UMAD1: variants seen among roughly 807,000 people sequenced by gnomAD.
The protein encoded by UMAD1 is UBAP1-MVB12-associated (UMA) domain containing 1.
A neutral mutation model predicts 6.1 loss-of-function variants in UMAD1; 8 were observed. That is an observed-to-expected ratio of 1.30 (90% CI 0.76 to 2.35). The LOEUF is 2.35. Among genes scored for constraint, UMAD1 ranks in the 30% most tolerant of loss-of-function variants. The pLI is 0.00. For synonymous variants in UMAD1, 56 were observed against 31.4 expected (o/e 1.78, Z -2.61); for missense variants, 130 against 78.4 (o/e 1.66, Z -2.49).
chr7:7,762,942 C>T (rs886606027), intron 2 of UMAD1, among the ~76,000 whole-genome samples: 21 of 151,770 alleles, frequency 1.4e-4, no homozygotes, highest in African/African-American at 3.9e-4. Flanking sequence ...GCTTTTAAGC[C>T]GGCACTCTTA....
At chr7:7,802,342 C>T (rs183755277) in intron 3 of UMAD1, among the ~76,000 whole-genome samples, 98 of 150,938 alleles carry the variant, frequency 6.5e-4, no homozygotes, top group African/African-American at 2.4e-3. Context: ...CGCGCCTCTG[C>T]GCTCCTGCCT....
intron 3 of UMAD1, among the ~76,000 whole-genome samples, chr7:7,802,692 G>A (rs1459474321): frequency 1.3e-5 from 2 of 152,120 alleles, no homozygotes; most frequent in Non-Finnish European, 2.9e-5. Flanking sequence ...CTGTATTCTA[G>A]TTGTAGCATA....
intron 2 of UMAD1, among the ~76,000 whole-genome samples, chr7:7,695,723 A>T (rs897658909): frequency 6.6e-6 from 1 of 152,214 alleles, no homozygotes; most frequent in East Asian, 1.9e-4. Context: ...CTTGTGTCCT[A>T]TGTAGACCTA....
At chr7:7,775,817 G>T (rs768843606) in intron 2 of UMAD1, among the ~76,000 whole-genome samples, 1 of 152,106 alleles carries the variant, frequency 6.6e-6, no homozygotes, top group Non-Finnish European at 1.5e-5. Context: ...CAGGAGAAAT[G>T]AAAAAATATA....
intron 2 of UMAD1, among the ~76,000 whole-genome samples, chr7:7,715,959 CAT>C (rs1780891858): frequency 1.3e-5 from 2 of 152,170 alleles, no homozygotes; most frequent in South Asian, 2.1e-4. Context: ...TAGTATAAAA[CAT>C]AGTTTGTTGC....
At chr7:7,642,878 T>C (rs1341275426) in intron 1 of UMAD1, among the ~76,000 whole-genome samples, 1 of 152,236 alleles carries the variant, frequency 6.6e-6, no homozygotes, top group African/African-American at 2.4e-5. Flanking sequence ...TTATCACACA[T>C]GCAGGCGTTG....
chr7:7,666,014 C>T (rs915060640), intron 1 of UMAD1, among the ~76,000 whole-genome samples: 3 of 151,788 alleles, frequency 2.0e-5, no homozygotes, highest in Non-Finnish European at 4.4e-5. Flanking sequence ...TGTGGACCTA[C>T]GTTTTCATTT....
intron 2 of UMAD1, among the ~76,000 whole-genome samples, chr7:7,795,557 C>T (rs1782659423): frequency 6.6e-6 from 1 of 152,174 alleles, no homozygotes; most frequent in Admixed American, 6.5e-5. Context: ...ATGGCTGCCC[C>T]ACAGGCAGAG....
intron 3 of UMAD1, among the ~76,000 whole-genome samples, chr7:7,836,592 C>A (rs146700281): frequency 6.6e-6 from 1 of 151,504 alleles, no homozygotes; most frequent in Non-Finnish European, 1.5e-5. Flanking sequence ...TCATATAACA[C>A]AAACTAAATA....
intron 3 of UMAD1, among the ~76,000 whole-genome samples, chr7:7,838,955 A>T (rs1167128351): frequency 6.6e-6 from 1 of 152,216 alleles, no homozygotes; most frequent in Non-Finnish European, 1.5e-5. Flanking sequence ...AAGAAGAGCA[A>T]AACAAGAATA....
chr7:7,719,855 CAA>C (rs1261666764), intron 2 of UMAD1, among the ~76,000 whole-genome samples: 2 of 152,158 alleles, frequency 1.3e-5, no homozygotes, highest in Non-Finnish European at 2.9e-5. Context: ...TCTGTACAAA[CAA>C]GAGATGGTAA....
intron 2 of UMAD1, among the ~76,000 whole-genome samples, chr7:7,790,648 C>T (rs1313571521): frequency 6.6e-6 from 1 of 152,198 alleles, no homozygotes; most frequent in East Asian, 1.9e-4. Context: ...GACCAAATCT[C>T]TTTCCTGATA....
At chr7:7,829,704 T>G (rs78956900) in intron 3 of UMAD1, among the ~76,000 whole-genome samples, 1 of 152,218 alleles carries the variant, frequency 6.6e-6, no homozygotes, top group Non-Finnish European at 1.5e-5. Context: ...TTTTGTATAC[T>G]TTCCTTGATG....
intron 2 of UMAD1, among the ~76,000 whole-genome samples, chr7:7,730,580 C>T (rs1242151211): frequency 2.6e-5 from 4 of 152,190 alleles, no homozygotes; most frequent in African/African-American, 9.7e-5. Context: ...CACGTATAAG[C>T]CCTTCAAAAG....
chr7:7,660,630 C>G (rs962457109), intron 1 of UMAD1, among the ~76,000 whole-genome samples: 1 of 152,064 alleles, frequency 6.6e-6, no homozygotes, highest in Non-Finnish European at 1.5e-5. Context: ...ACTATTGGCC[C>G]CACTCTCTTC....
intron 1 of UMAD1, among the ~76,000 whole-genome samples, chr7:7,657,944 G>A (rs1034147434): frequency 6.6e-6 from 1 of 152,178 alleles, no homozygotes; most frequent in Non-Finnish European, 1.5e-5. Flanking sequence ...CTATCCATGA[G>A]CATGGAATGT....
chr7:7,776,567 C>G (rs867573579), intron 2 of UMAD1, among the ~76,000 whole-genome samples: 1 of 152,116 alleles, frequency 6.6e-6, no homozygotes, highest in Non-Finnish European at 1.5e-5. Flanking sequence ...CAAAAAGTTT[C>G]TTTTGAAAAG....
chr7:7,791,180 G>A (rs1046432291), intron 2 of UMAD1, among the ~76,000 whole-genome samples: 4 of 152,232 alleles, frequency 2.6e-5, no homozygotes, highest in Non-Finnish European at 4.4e-5. Context: ...GAGTCACTGT[G>A]CCCAGCTGGA....
intron 3 of UMAD1, among the ~76,000 whole-genome samples, chr7:7,813,641 C>G (rs755763831): frequency 6.6e-6 from 1 of 152,088 alleles, no homozygotes; most frequent in Non-Finnish European, 1.5e-5. Context: ...AACTTTTTAG[C>G]TGAGAAGTTG....
Sources: allele counts gnomAD v4.1 joint callset (sites outside exome capture counted in the v4.1 genomes callset), GRCh38; gene constraint gnomAD v4.1.1; transcripts MANE v1.5; gene names NCBI Gene and HGNC (gene_info 2026-07-23, HGNC 2026-07-21).